The following PCNT variants were observed in gnomAD, a reference collection of about 807,000 sequenced individuals.
The protein encoded by PCNT is pericentrin.
A neutral mutation model predicts 380.4 loss-of-function variants in PCNT; 319 were observed. The ratio of observed to expected loss-of-function variants is 0.84; its 90% confidence interval spans 0.77 to 0.92. The LOEUF is 0.92. PCNT is among the 40% of genes least tolerant of loss of function. PCNT has a pLI of 0.00. For synonymous variants in PCNT, 1,845 were observed against 1,735.2 expected (o/e 1.06, Z -1.57); for missense variants, 4,400 against 4,255.3 (o/e 1.03, Z -0.95).
intron 24 of PCNT, among the ~76,000 whole-genome samples, chr21:46,399,373 C>G (rs1569252943): frequency 4.0e-5 from 6 of 150,016 alleles, no homozygotes; most frequent in Non-Finnish European, 8.9e-5. Flanking sequence ...GCCTGTGGGT[C>G]TGGGTCTCTC....
chr21:46,423,557 T>C (rs2087344090), intron 32 of PCNT, among the ~76,000 whole-genome samples: 1 of 151,328 alleles, frequency 6.6e-6, no homozygotes, highest in Non-Finnish European at 1.5e-5. Flanking sequence ...GAAAACAACC[T>C]AATATTAGAA....
intron 14 of PCNT, among the ~76,000 whole-genome samples, chr21:46,366,202 C>T (rs1175833114): frequency 6.6e-6 from 1 of 152,204 alleles, no homozygotes; most frequent in African/African-American, 2.4e-5. Context: ...CAGAGATTAC[C>T]TTGGGATTCT....
intron 2 of PCNT, among the ~76,000 whole-genome samples, chr21:46,331,927 A>C (rs1191571440): frequency 2.0e-5 from 3 of 152,244 alleles, no homozygotes; most frequent in Admixed American, 2.0e-4. Context: ...TGGGAGGCCA[A>C]GGCAGGAAGA....
In PCNT at chr21:46,385,866, TA is replaced by T. The variant is rs770945491; in HGVS notation, c.3348del (p.Ile1116MetfsTer58). Reference sequence around the variant, plus strand: ...CAGGTTTTATCCTTAAGTCACGAGATAGAAGAGTGCCGCTCCGAGTTGGAGG... The same window carrying T: ...CAGGTTTTATCCTTAAGTCACGAGATGAAGAGTGCCGCTCCGAGTTGGAGG... ...KDQVLSLSHE[I>X]EECRSELEVL... On this transcript the variant is annotated frameshift_variant, in exon 17 of 47. Coordinates refer to ENST00000359568, the MANE Select transcript of PCNT (RefSeq NM_006031.6). LOFTEE classifies it high-confidence loss of function. The T allele has an allele frequency of 1.2e-6, 2 of 1,614,158 alleles. No individual in the cohort carries two copies. The highest frequency in any genetic ancestry group is 1.7e-6 in the Non-Finnish European group (2 of 1,179,964).
chr21:46,430,105 C>CAGA lies in PCNT; in HGVS notation c.7789_7791dup (p.Lys2597dup). 6.2e-7 allele frequency: 1 copy of CAGA among 1,614,216 alleles called. No individual in the cohort carries two copies. ...AGAGCAAGAGAAGGCAAACAGCGTGCAGAAGCTCCTGGCGGCGGAGCAGAC... is the reference window on the plus strand; with the variant it reads ...AGAGCAAGAGAAGGCAAACAGCGTGCAGAAGAAGCTCCTGGCGGCGGAGCAGAC... On this transcript the variant is annotated inframe_insertion, in exon 36 of 47. Transcript: ENST00000359568.
At chr21:46,426,081 T>TTTTC in intron 33 of PCNT, 110 bp downstream of exon 33, 2 of 1,064,290 alleles carry the variant, frequency 1.9e-6, no homozygotes, top group Non-Finnish European at 1.3e-6. Context: ...TTTTTTTTTT[T>TTTTC]TTTTTTTTTT....
chr21:46,362,121 C>T (rs560600298), intron 13 of PCNT, among the ~76,000 whole-genome samples: 2 of 152,278 alleles, frequency 1.3e-5, no homozygotes, highest in Admixed American at 6.5e-5. Flanking sequence ...TGCTGGGCTG[C>T]GGCATGGTGT....
rs143776677 is a variant in PCNT, at chr21:46,415,952, A to G, written c.6151-117A>G. ...AATAAACTTGAAATGTGCAGGGCTC[A>G]TTGTGGAATCACCCGAGTGCTCCGA... On this transcript the variant is annotated intron_variant, in intron 29 of 46. Coordinates refer to ENST00000359568, the MANE Select transcript of PCNT (RefSeq NM_006031.6). 45 of 893,756 alleles carry G rather than the reference A, an allele frequency of 5.0e-5. No homozygotes were observed. The East Asian group carries it at 1.1e-3, about 22-fold the overall frequency. 55.4% of individuals were successfully genotyped at this position (893,756 alleles called of 1,614,324 possible). A position where few individuals can be genotyped will look rare whatever the true frequency, so the allele number is the denominator to read the frequency against.
intron 1 of PCNT, chr21:46,324,995 C>T: frequency 1.0e-6 from 1 of 984,490 alleles, no homozygotes; most frequent in Non-Finnish European, 1.2e-6. Flanking sequence ...GCGTACGCTG[C>T]CGGGAACCCA....
intron 21 of PCNT, among the ~76,000 whole-genome samples, chr21:46,395,966 G>A (rs4818839): frequency 0.69 from 99,989 of 144,488 alleles, 34,187 homozygotes; most frequent in African/African-American, 0.8. Flanking sequence ...TCAGCAGCAG[G>A]CACTCCATCT....
chr21:46,404,080 TGTG>T (rs1406252413), intron 27 of PCNT, among the ~76,000 whole-genome samples: 3 of 78,580 alleles, frequency 3.8e-5, no homozygotes, highest in Non-Finnish European at 6.8e-5. Flanking sequence ...GTGGGAGAAT[TGTG>T]TGTGTGGTGC....
intron 15 of PCNT, among the ~76,000 whole-genome samples, chr21:46,367,489 G>T (rs2084971223): frequency 6.6e-6 from 1 of 152,054 alleles, no homozygotes; most frequent in African/African-American, 2.4e-5. Context: ...TGTATTTTTA[G>T]TAGAGACTGG....
rs1390855297 is a variant in PCNT, at chr21:46,359,684, T to C, written c.2154+2493T>C. 3.5e-5 allele frequency among the ~76,000 whole-genome samples: 5 copies of C among 143,174 alleles called. No individual in the cohort carries two copies. The East Asian group carries it at 9.8e-4, about 28-fold the overall frequency. The allele number at this position is 143,174 out of a possible 152,430, so 93.9% of individuals were successfully genotyped here. The stretch of plus-strand genomic sequence containing the variant: ...TTGTATTTTTAATAGAGACGGGGTT[T>C]CATTATGTTGGCCGGGCTGGTCTCG... On this transcript the variant is annotated intron_variant, in intron 13 of 46. Transcript: ENST00000359568.
rs563450680 is a variant in PCNT, at chr21:46,348,180, T to A, written c.1032+668T>A. The A allele has an allele frequency of 4.2e-5, 7 of 167,420 alleles. No homozygotes were observed. In the South Asian group the frequency reaches 4.5e-4, roughly 11 times the overall value. The allele number at this position is 167,420 out of a possible 1,614,324, so 10.4% of individuals were successfully genotyped here. A position where few individuals can be genotyped will look rare whatever the true frequency, so the allele number is the denominator to read the frequency against. ...ACAGAGCCCAGCCCTTGGGTGGAGGTTGGCAAAGTTGCCATTGGCCCCTGG... is the reference window on the plus strand; with the variant it reads ...ACAGAGCCCAGCCCTTGGGTGGAGGATGGCAAAGTTGCCATTGGCCCCTGG... On this transcript the variant is annotated intron_variant, in intron 6 of 46. Coordinates refer to ENST00000359568, the MANE Select transcript of PCNT (RefSeq NM_006031.6).
rs869048247 is a variant in PCNT, at chr21:46,414,856, AC to A, written c.6151-1210del. Among the ~76,000 whole-genome samples, 18 of 119,398 alleles carry A rather than the reference AC, an allele frequency of 1.5e-4. 1 individual carries two copies. The highest frequency in any genetic ancestry group is 7.9e-4 in the African/African-American group (18 of 22,688). The allele number at this position is 119,398 out of a possible 152,430, so 78.3% of individuals were successfully genotyped here. The stretch of plus-strand genomic sequence containing the variant: ...CCTCCTCCTGGACACACAGACACCT[AC>A]CCTCCTCCTGCTGGACACACAGCCA... On this transcript the variant is annotated intron_variant, in intron 29 of 46. Transcript: ENST00000359568.
intron 27 of PCNT, among the ~76,000 whole-genome samples, chr21:46,403,868 G>A (rs558911887): frequency 6.8e-5 from 10 of 146,488 alleles, no homozygotes; most frequent in Admixed American, 4.7e-4. Context: ...TGGTGCCCAC[G>A]CGGCGTGTGC....
chr21:46,339,376 A>T (rs573625921), intron 3 of PCNT, among the ~76,000 whole-genome samples: 3 of 152,214 alleles, frequency 2.0e-5, no homozygotes, highest in African/African-American at 7.2e-5. Context: ...TTTTGATTTT[A>T]TGTGTTCTTT....
In PCNT at chr21:46,347,461, G is replaced by A; in HGVS notation, c.981G>A (p.Glu327=). 1 of 1,614,140 alleles carries A rather than the reference G, an allele frequency of 6.2e-7. No individual in the cohort carries two copies. Among genetic ancestry groups the A allele is most frequent in the South Asian group, 1.1e-5 (1 of 91,078 alleles). Residue 327 remains glutamate, a synonymous_variant, in exon 6 of 47, where the codon GAG becomes GAA. Transcript: ENST00000359568. ...VVLRCGQEAA[E]LKEKLQSEME... ...TGCTTTTTGTTTTTCTTGCAGCTGA[G>A]CTGAAGGAGAAGTTACAATCAGAAA...
At chr21:46,345,123 CCG>C (rs1287137756) in intron 3 of PCNT, among the ~76,000 whole-genome samples, 16 of 152,222 alleles carry the variant, frequency 1.1e-4, no homozygotes, top group Non-Finnish European at 1.6e-4. Context: ...GGCGTCATTT[CCG>C]CCTTTTTCCT....
Sources: allele counts gnomAD v4.1 joint callset (sites outside exome capture counted in the v4.1 genomes callset), GRCh38; gene constraint gnomAD v4.1.1; transcripts MANE v1.5; gene names NCBI Gene and HGNC (gene_info 2026-07-23, HGNC 2026-07-21).